Variants in ASPRV1 observed in about 807,000 individuals in gnomAD.
The protein encoded by ASPRV1 is retroviral-like aspartic protease 1.
ASPRV1 carries 7 observed loss-of-function variants against 11.0 expected under a neutral mutation model. That is an observed-to-expected ratio of 0.64 (90% CI 0.36 to 1.20). The LOEUF (loss-of-function observed/expected upper bound fraction) is 1.20. ASPRV1 is among the 50% of genes most tolerant of loss of function. ASPRV1 has a pLI of 0.02. For missense variants in ASPRV1, 299 were observed against 320.0 expected, an observed-to-expected ratio of 0.93 and a Z score of 0.50; for synonymous variants, 136 against 138.4, an observed-to-expected ratio of 0.98 and a Z score of 0.12.
At chr2:70,032,673 G>T in the ASPRV1 span, among the ~76,000 whole-genome samples, 1 of 152,028 alleles carries the variant, frequency 6.6e-6, no homozygotes, top group Non-Finnish European at 1.5e-5. Context: ...AATTTATTTT[G>T]CTTAGGTCCT....
chr2:70,004,771 C>T, the ASPRV1 span, among the ~76,000 whole-genome samples: 1 of 152,186 alleles, frequency 6.6e-6, no homozygotes, highest in Non-Finnish European at 1.5e-5. Context: ...TCAGCATTTT[C>T]TTGTTCAATC....
chr2:70,084,424 A>G, the ASPRV1 span, among the ~76,000 whole-genome samples: 142 of 152,302 alleles, frequency 9.3e-4, 3 homozygotes, highest in Middle Eastern at 3.4e-3. Flanking sequence ...TTAAGAATGG[A>G]GTCTCTGGAC....
chr2:70,086,740 C>T, the ASPRV1 span, among the ~76,000 whole-genome samples: 1 of 152,214 alleles, frequency 6.6e-6, no homozygotes, highest in South Asian at 2.1e-4. Flanking sequence ...TGGCTTTAAC[C>T]GAAAGAAACT....
At chr2:70,037,919 G>C in the ASPRV1 span, among the ~76,000 whole-genome samples, 1 of 152,060 alleles carries the variant, frequency 6.6e-6, no homozygotes, top group Non-Finnish European at 1.5e-5. Context: ...CAGCTGTCCT[G>C]TATCATTTGT....
chr2:70,051,454 C>A, the ASPRV1 span: 1 of 152,280 alleles, frequency 6.6e-6, no homozygotes, highest in African/African-American at 2.4e-5. Flanking sequence ...CCCTTTAACT[C>A]AGCTGGCAAA....
chr2:70,019,629 G>C, the ASPRV1 span, among the ~76,000 whole-genome samples: 1 of 152,186 alleles, frequency 6.6e-6, no homozygotes, highest in Non-Finnish European at 1.5e-5. Context: ...AGTGAACCTG[G>C]AGGATACTAT....
At chr2:70,019,404 C>T in the ASPRV1 span, among the ~76,000 whole-genome samples, 1 of 152,190 alleles carries the variant, frequency 6.6e-6, no homozygotes, top group Non-Finnish European at 1.5e-5. Context: ...AGCAATACCA[C>T]TACTGGGCAT....
At chr2:69,950,892 A>AAAT in the ASPRV1 span, among the ~76,000 whole-genome samples, 4 of 138,386 alleles carry the variant, frequency 2.9e-5, no homozygotes, top group African/African-American at 1.0e-4. Context: ...AATAAATAAT[A>AAAT]AAAAATAAAA....
chr2:70,058,748 T>TCAC, the ASPRV1 span, among the ~76,000 whole-genome samples: 1 of 151,020 alleles, frequency 6.6e-6, no homozygotes, highest in Non-Finnish European at 1.5e-5. Flanking sequence ...AGACAGGGTT[T>TCAC]CACCATGTTG....
chr2:69,947,505 T>C, the ASPRV1 span, among the ~76,000 whole-genome samples: 1 of 152,174 alleles, frequency 6.6e-6, no homozygotes, highest in African/African-American at 2.4e-5. Flanking sequence ...ATGTGCATGT[T>C]TGTGACCCAG....
the ASPRV1 span, among the ~76,000 whole-genome samples, chr2:70,013,201 A>G: frequency 6.6e-6 from 1 of 152,244 alleles, no homozygotes; most frequent in Non-Finnish European, 1.5e-5. Flanking sequence ...CATGAATAAA[A>G]GACCCATTCA....
the ASPRV1 span, among the ~76,000 whole-genome samples, chr2:69,999,847 C>T: frequency 9.2e-5 from 14 of 151,670 alleles, no homozygotes; most frequent in Admixed American, 6.6e-5. Context: ...CACACCCTGC[C>T]CTCCTCCGGG....
the ASPRV1 span, chr2:70,054,124 A>G: frequency 6.6e-6 from 1 of 151,078 alleles, no homozygotes; most frequent in Non-Finnish European, 1.5e-5. Context: ...CAAGGTGAGA[A>G]GTTCAAGACC....
chr2:70,020,846 G>A, the ASPRV1 span, among the ~76,000 whole-genome samples: 1 of 152,122 alleles, frequency 6.6e-6, no homozygotes, highest in Non-Finnish European at 1.5e-5. Context: ...TGGTGATCAG[G>A]GGCTGAGGGA....
At chr2:70,064,781 G>A in the ASPRV1 span, among the ~76,000 whole-genome samples, 1 of 152,108 alleles carries the variant, frequency 6.6e-6, no homozygotes, top group African/African-American at 2.4e-5. Context: ...TAGGTGCTAG[G>A]AATACAACAA....
chr2:70,079,202 G>A, the ASPRV1 span, among the ~76,000 whole-genome samples: 1 of 152,078 alleles, frequency 6.6e-6, no homozygotes, highest in Non-Finnish European at 1.5e-5. Flanking sequence ...TGAGTTCAGG[G>A]AAAGACATTC....
the ASPRV1 span, among the ~76,000 whole-genome samples, chr2:69,989,522 G>A: frequency 1.3e-5 from 2 of 152,134 alleles, no homozygotes; most frequent in Admixed American, 6.5e-5. Flanking sequence ...GCCCTGGGGC[G>A]GGTCCCTGAG....
At chr2:70,006,052 A>G in the ASPRV1 span, among the ~76,000 whole-genome samples, 4 of 152,226 alleles carry the variant, frequency 2.6e-5, no homozygotes, top group Admixed American at 1.3e-4. Context: ...GATGTTTGGC[A>G]GCATCCTGGC....
the ASPRV1 span, among the ~76,000 whole-genome samples, chr2:70,040,845 A>T: frequency 2.0e-5 from 3 of 152,144 alleles, no homozygotes; most frequent in African/African-American, 7.2e-5. Context: ...AAACTAAACT[A>T]AACTAAACTA....
Sources: allele counts gnomAD v4.1 joint callset (sites outside exome capture counted in the v4.1 genomes callset), GRCh38; gene constraint gnomAD v4.1.1; transcripts MANE v1.5; gene names NCBI Gene and HGNC (gene_info 2026-07-23, HGNC 2026-07-21).